The following TRPM1 variants were observed in gnomAD, a reference collection of about 807,000 sequenced individuals.
TRPM1 encodes the protein transient receptor potential cation channel subfamily M member 1.
TRPM1 carries 113 observed loss-of-function variants against 149.4 expected under a neutral mutation model. The ratio of observed to expected loss-of-function variants is 0.76; its 90% CI spans 0.65 to 0.88. The LOEUF is 0.88. TRPM1 is among the 40% of genes least tolerant of loss of function. The pLI is 0.00. For missense variants in TRPM1, 1,976 were observed against 2,038.7 expected (o/e 0.97, Z 0.59); for synonymous variants, 741 against 759.5 (o/e 0.98, Z 0.40).
chr15:31,004,977 C>T (rs1054485853), intron 27 of TRPM1, among the ~76,000 whole-genome samples: 52 of 152,060 alleles, frequency 3.4e-4, no homozygotes, highest in African/African-American at 1.2e-3. Flanking sequence ...TGGTGTGTGC[C>T]GGTAATCCCA....
intron 1 of TRPM1, among the ~76,000 whole-genome samples, chr15:31,144,647 CA>C (rs756020827): frequency 1.3e-5 from 2 of 151,328 alleles, no homozygotes; most frequent in Non-Finnish European, 2.9e-5. Flanking sequence ...AGACAAAAAT[CA>C]CATTTTAGAA....
At chr15:31,149,524 CTCTTTTT>C (rs2036265832) in intron 1 of TRPM1, among the ~76,000 whole-genome samples, 2 of 128,844 alleles carry the variant, frequency 1.6e-5, no homozygotes, top group Admixed American at 8.3e-5. Flanking sequence ...ATCTCTCTCT[CTCTTTTT>C]TTTTTTTTTT....
At chr15:31,013,748 G>T (rs1455482257) in intron 27 of TRPM1, among the ~76,000 whole-genome samples, 1 of 152,102 alleles carries the variant, frequency 6.6e-6, no homozygotes, top group Non-Finnish European at 1.5e-5. Context: ...TTTGTTGTTT[G>T]TTTAGTGATT....
chr15:31,115,817 G>A (rs1387112377), intron 1 of TRPM1, among the ~76,000 whole-genome samples: 1 of 151,770 alleles, frequency 6.6e-6, no homozygotes, highest in Non-Finnish European at 1.5e-5. Context: ...GTCATAAGCT[G>A]CCTGGCTTAT....
At chr15:31,102,989 G>A (rs959321108), upstream of TRPM1, among the ~76,000 whole-genome samples, 5 of 152,164 alleles carry the variant, frequency 3.3e-5, no homozygotes, top group South Asian at 2.1e-4. Context: ...CTACGTGGCC[G>A]GAATTCTGAA....
chr15:31,142,049 C>T (rs988599186), intron 1 of TRPM1, among the ~76,000 whole-genome samples: 8 of 152,118 alleles, frequency 5.3e-5, no homozygotes, highest in Admixed American at 3.9e-4. Flanking sequence ...AGTGGGACTT[C>T]ATCTTGATCT....
rs1483000593 is a variant in TRPM1 at position 31,002,494 on chromosome 15, A to T, written c.4206T>A (p.Ser1402Arg). 2 of 1,614,068 alleles carry T rather than the reference A, an allele frequency of 1.2e-6. No individual in the cohort carries two copies. The highest frequency in any genetic ancestry group is 2.2e-5 in the South Asian group (2 of 91,082). Residue 1402 changes from serine (S) to arginine (R), a missense_variant, in exon 28 of 28, where the codon AGT becomes AGA. Ser to Arg is a moderately radical substitution (Grantham distance 110). Coordinates refer to ENST00000256552, the MANE Select transcript of TRPM1 (RefSeq NM_001252024.2). ...DSKKEETISP[S>R]LNKTDVIHGQ... ...CATGTATCACATCTGTTTTATTTAA[A>T]CTTGGGGAAATAGTTTCTTCTTTTT... is the stretch of plus-strand genomic sequence containing the variant.
chr15:31,110,004 C>CA lies in TRPM1; in HGVS notation c.55-33021dup, dbSNP rs1359345931. 4.6e-5 allele frequency among the ~76,000 whole-genome samples: 7 copies of CA among 152,274 alleles called. No homozygotes were observed. In the East Asian group the frequency reaches 1.4e-3, roughly 29 times the overall value. ...GAATCCTGATCTGAAAGCTCTGATCCAAAAACCTTCCTTTTCAAAGTCTTA... is the reference window on the plus strand; with the variant it reads ...GAATCCTGATCTGAAAGCTCTGATCCAAAAAACCTTCCTTTTCAAAGTCTTA... On this transcript the variant is annotated intron_variant, in intron 1 of 26. Transcript: ENST00000542188.
In TRPM1 at chr15:31,060,526, G is replaced by GA. The variant is rs769825661; in HGVS notation, c.1263+17dup. On this transcript the variant is annotated intron_variant, in intron 11 of 27. Transcript: ENST00000256552. ...AAAGTCAAGATCAATGATATGAATC[G>GA]AAAAAAAACAGTTTCACCGGCCAGT... The GA allele has an allele frequency of 6.8e-5, 109 of 1,598,482 alleles. No individual in the cohort carries two copies. Among genetic ancestry groups the GA allele is most frequent in the African/African-American group, 1.5e-4 (11 of 74,426 alleles).
At chr15:31,145,167 A>G (rs1366188322) in intron 1 of TRPM1, among the ~76,000 whole-genome samples, 1 of 152,214 alleles carries the variant, frequency 6.6e-6, no homozygotes, top group Non-Finnish European at 1.5e-5. Flanking sequence ...ACAACTTGAT[A>G]TAAATCTCAA....
intron 25 of TRPM1, 145 bp from the exon 26 acceptor site, chr15:31,027,262 A>G (rs1438174630): frequency 1.1e-5 from 8 of 738,138 alleles, no homozygotes; most frequent in African/African-American, 5.3e-5. Flanking sequence ...TGATTATCCA[A>G]TCTTTTGGTT....
chr15:31,016,980 CACACACACAA>C (rs991145629), intron 27 of TRPM1, among the ~76,000 whole-genome samples: 1 of 134,226 alleles, frequency 7.5e-6, no homozygotes, highest in Non-Finnish European at 1.7e-5. Context: ...CACACACACA[CACACACACAA>C]AAAAAAAACT....
At chr15:31,086,273 G>A (rs1005564839) in intron 1 of TRPM1, among the ~76,000 whole-genome samples, 40 of 152,182 alleles carry the variant, frequency 2.6e-4, no homozygotes, top group Admixed American at 6.5e-5. Flanking sequence ...TTGGCCTCTA[G>A]CCCCTCAGGT....
At chr15:31,106,922 C>A (rs1455548983) in intron 1 of TRPM1, among the ~76,000 whole-genome samples, 2 of 152,174 alleles carry the variant, frequency 1.3e-5, no homozygotes, top group Non-Finnish European at 2.9e-5. Flanking sequence ...TTCCCACAGC[C>A]TCACCAACAA....
chr15:31,121,470 A>G (rs2141034084), intron 1 of TRPM1, among the ~76,000 whole-genome samples: 1 of 152,292 alleles, frequency 6.6e-6, no homozygotes, highest in South Asian at 2.1e-4. Flanking sequence ...AGTCACTGAT[A>G]TGAGAAATCA....
chr15:31,003,205 A>G, intron 27 of TRPM1, 135 bp from the exon 28 acceptor site: 1 of 779,678 alleles, frequency 1.3e-6, no homozygotes, highest in Non-Finnish European at 2.0e-6. Flanking sequence ...TACAAGCTTC[A>G]CAATCCCCTA....
intron 11 of TRPM1, chr15:31,060,271 T>G (rs1310094665): frequency 1.9e-6 from 1 of 533,562 alleles, no homozygotes; most frequent in African/African-American, 1.9e-5. Context: ...CTTCTTCTTT[T>G]TCTTTAAAAA....
At chr15:31,013,164 A>G (rs1364802562) in intron 27 of TRPM1, among the ~76,000 whole-genome samples, 1 of 151,036 alleles carries the variant, frequency 6.6e-6, no homozygotes, top group African/African-American at 2.4e-5. Context: ...ATGCACCACC[A>G]TGCCTGTCCA....
intron 27 of TRPM1, among the ~76,000 whole-genome samples, chr15:31,024,390 C>G (rs1007772720): frequency 6.6e-6 from 1 of 152,184 alleles, no homozygotes. Context: ...ACTCCCTTCT[C>G]CTCAAGCCTT....
Sources: gnomAD v4.1 joint callset for allele counts (sites outside exome capture counted in the v4.1 genomes callset) on GRCh38, gnomAD v4.1.1 for gene constraint, MANE v1.5 for transcripts, NCBI Gene and HGNC (gene_info 2026-07-23, HGNC 2026-07-21) for gene names.